Variants in SMCO2 observed in about 807,000 individuals in gnomAD.
SMCO2 encodes single-pass membrane and coiled-coil domain-containing protein 2.
SMCO2 carries 25 observed loss-of-function variants against 29.5 expected under a neutral mutation model. That is an observed-to-expected ratio of 0.85 (90% CI 0.62 to 1.18). SMCO2 has a LOEUF of 1.18. Among genes scored for constraint, SMCO2 ranks in the 50% most tolerant of loss-of-function variants. The probability of loss-of-function intolerance (pLI) is 0.00; values close to 1 mark genes in which losing one functional copy is unlikely to be tolerated. For synonymous variants in SMCO2, 117 were observed against 123.3 expected (o/e 0.95, Z 0.34); for missense variants, 348 against 344.5 (o/e 1.01, Z -0.08).
At chr12:27,448,029 A>T in the SMCO2 span, among the ~76,000 whole-genome samples, 1 of 152,230 alleles carries the variant, frequency 6.6e-6, no homozygotes, top group Non-Finnish European at 1.5e-5. Context: ...GCATGCTTGC[A>T]TTCTCCACTC....
the SMCO2 span, among the ~76,000 whole-genome samples, chr12:27,447,103 A>G: frequency 6.6e-6 from 1 of 152,184 alleles, no homozygotes. Flanking sequence ...AAAGGAACTC[A>G]TCAGCTTAAA....
the SMCO2 span, among the ~76,000 whole-genome samples, chr12:27,439,831 C>T: frequency 6.6e-6 from 1 of 151,904 alleles, no homozygotes; most frequent in Non-Finnish European, 1.5e-5. Flanking sequence ...GGAACAAAGA[C>T]CACCTACAAG....
the SMCO2 span, among the ~76,000 whole-genome samples, chr12:27,432,511 T>C: frequency 6.6e-6 from 1 of 152,196 alleles, no homozygotes; most frequent in Non-Finnish European, 1.5e-5. Flanking sequence ...TATACAACTA[T>C]ATAAGAAGAA....
intron 7 of SMCO2, among the ~76,000 whole-genome samples, chr12:27,501,395 G>A (rs1169384839): frequency 8.7e-6 from 1 of 114,752 alleles, no homozygotes; most frequent in Non-Finnish European, 1.7e-5. Context: ...CAGCTTGGGC[G>A]AAAGAGTGAG....
the SMCO2 span, among the ~76,000 whole-genome samples, chr12:27,455,838 G>T: frequency 1.1e-4 from 17 of 152,334 alleles, no homozygotes; most frequent in African/African-American, 4.1e-4. Flanking sequence ...GACTAACATG[G>T]AATGTTCCAT....
intron 2 of SMCO2, among the ~76,000 whole-genome samples, chr12:27,471,435 T>C (rs1433828772): frequency 1.3e-5 from 2 of 152,086 alleles, no homozygotes; most frequent in Non-Finnish European, 2.9e-5. Context: ...CAATACCCCC[T>C]CAACCCTGAC....
At chr12:27,494,654 C>CT (rs1176121261) in intron 6 of SMCO2, among the ~76,000 whole-genome samples, 7 of 152,098 alleles carry the variant, frequency 4.6e-5, no homozygotes, top group Admixed American at 4.6e-4. Context: ...CATCCCTCCC[C>CT]TTGCCCTGCA....
chr12:27,497,427 C>G, intron 7 of SMCO2: 1 of 220,842 alleles, frequency 4.5e-6, no homozygotes, highest in Non-Finnish European at 9.6e-6. Context: ...CCAGGATGTT[C>G]CATACCATTA....
At chr12:27,452,925 C>T in the SMCO2 span, among the ~76,000 whole-genome samples, 6,348 of 152,198 alleles carry the variant, frequency 0.042, 449 homozygotes, top group African/African-American at 0.15. Flanking sequence ...CTATGGGCAT[C>T]GTAGCTTTCT....
At chr12:27,469,461 G>A (rs1949523882) in intron 1 of SMCO2, among the ~76,000 whole-genome samples, 1 of 152,118 alleles carries the variant, frequency 6.6e-6, no homozygotes, top group South Asian at 2.1e-4. Flanking sequence ...ACATCTCTGT[G>A]ATTCCCAGGG....
chr12:27,450,877 T>A, the SMCO2 span, among the ~76,000 whole-genome samples: 2 of 152,248 alleles, frequency 1.3e-5, no homozygotes, highest in South Asian at 4.1e-4. Context: ...TGCAAAGTTA[T>A]GTCCATGAAC....
At chr12:27,485,615 T>C (rs1227846564) in intron 4 of SMCO2, among the ~76,000 whole-genome samples, 1 of 151,908 alleles carries the variant, frequency 6.6e-6, no homozygotes, top group Non-Finnish European at 1.5e-5. Context: ...GATTAATTTT[T>C]TTAGTATTTT....
chr12:27,450,421 A>C, the SMCO2 span, among the ~76,000 whole-genome samples: 1,715 of 152,212 alleles, frequency 0.011, 16 homozygotes, highest in Middle Eastern at 0.024. Flanking sequence ...GAATTTTATC[A>C]ACTAGCTGAG....
chr12:27,426,338 GAC>G, the SMCO2 span, among the ~76,000 whole-genome samples: 1 of 152,128 alleles, frequency 6.6e-6, no homozygotes, highest in Non-Finnish European at 1.5e-5. Context: ...CATGAGGAGA[GAC>G]AACTTTGGGG....
chr12:27,440,054 A>T, the SMCO2 span, among the ~76,000 whole-genome samples: 1 of 152,206 alleles, frequency 6.6e-6, no homozygotes, highest in Admixed American at 6.5e-5. Context: ...TTTAATGGTC[A>T]AATTCCCAAA....
At chr12:27,487,753 C>CTTTTTTTTTTT (rs143131425) in intron 4 of SMCO2, among the ~76,000 whole-genome samples, 1 of 129,452 alleles carries the variant, frequency 7.7e-6, no homozygotes, top group African/African-American at 2.8e-5. Flanking sequence ...TCTTTTCTTT[C>CTTTTTTTTTTT]TTTTTTTTTT....
intron 4 of SMCO2, among the ~76,000 whole-genome samples, chr12:27,485,531 C>T (rs188474340): frequency 1.8e-3 from 266 of 150,690 alleles, no homozygotes; most frequent in Non-Finnish European, 3.0e-3. Flanking sequence ...CTCACTGCAA[C>T]CTCCACTTCC....
the SMCO2 span, among the ~76,000 whole-genome samples, chr12:27,435,268 T>C: frequency 3.9e-5 from 4 of 102,870 alleles, no homozygotes; most frequent in Non-Finnish European, 7.2e-5. Flanking sequence ...CTCTATCCAC[T>C]AGATGGCAGC....
At chr12:27,438,759 C>T in the SMCO2 span, among the ~76,000 whole-genome samples, 2 of 133,274 alleles carry the variant, frequency 1.5e-5, no homozygotes, top group African/African-American at 2.7e-5. Context: ...CTTCTCCCCC[C>T]ACCCACCCAC....
Sources: gnomAD v4.1 joint callset for allele counts (sites outside exome capture counted in the v4.1 genomes callset) on GRCh38, gnomAD v4.1.1 for gene constraint, MANE v1.5 for transcripts, NCBI Gene and HGNC (gene_info 2026-07-23, HGNC 2026-07-21) for gene names.